Variants in LRRC37A2 observed in about 807,000 individuals in gnomAD.
The protein encoded by LRRC37A2 is leucine rich repeat containing 37 member A2.
In LRRC37A2, 9 loss-of-function variants were observed where a neutral mutation model predicts 68.8. That is an observed-to-expected ratio of 0.13 (90% confidence interval 0.08 to 0.23). LRRC37A2 has a LOEUF of 0.23. LRRC37A2 is among the 10% of genes least tolerant of loss of function. LRRC37A2 has a pLI of 1.00. For missense variants in LRRC37A2, 168 were observed against 950.4 expected (o/e 0.18, Z 10.82); for synonymous variants, 63 against 367.6 (o/e 0.17, Z 9.48).
the LRRC37A2 span, among the ~76,000 whole-genome samples, chr17:46,729,600 A>G: frequency 1.3e-5 from 2 of 152,298 alleles, no homozygotes; most frequent in Non-Finnish European, 2.9e-5. Flanking sequence ...GTCACAAGAC[A>G]TGAGTTCTCT....
the LRRC37A2 span, among the ~76,000 whole-genome samples, chr17:47,038,132 TA>T: frequency 6.6e-6 from 1 of 152,008 alleles, no homozygotes; most frequent in East Asian, 1.9e-4. Context: ...ACTGAGACCT[TA>T]TCTCTACAAA....
At chr17:46,814,297 A>G in the LRRC37A2 span, among the ~76,000 whole-genome samples, 1 of 152,376 alleles carries the variant, frequency 6.6e-6, no homozygotes, top group Admixed American at 6.5e-5. Context: ...TTCTAAGGAC[A>G]TAACTCAGCT....
chr17:46,900,202 T>TACATACATATATATATAAACACACACAC, the LRRC37A2 span, among the ~76,000 whole-genome samples: 1 of 101,172 alleles, frequency 9.9e-6, no homozygotes. Flanking sequence ...TATATATATA[T>TACATACATATATATATAAACACACACAC]ACACACACAC....
chr17:46,688,520 AT>A, the LRRC37A2 span, among the ~76,000 whole-genome samples: 1 of 80,774 alleles, frequency 1.2e-5, no homozygotes, highest in Non-Finnish European at 2.3e-5. Context: ...TCTGTTCTTT[AT>A]TTTTTTATTT....
At chr17:46,799,985 G>A in the LRRC37A2 span, among the ~76,000 whole-genome samples, 4 of 152,130 alleles carry the variant, frequency 2.6e-5, no homozygotes, top group African/African-American at 4.8e-5. Flanking sequence ...GCCCAGAGCC[G>A]GACTTCCTGG....
At chr17:46,889,718 G>T in the LRRC37A2 span, among the ~76,000 whole-genome samples, 1 of 152,082 alleles carries the variant, frequency 6.6e-6, no homozygotes, top group Non-Finnish European at 1.5e-5. Context: ...TGTTTATTCT[G>T]AAAGTGTCAG....
At chr17:46,908,188 C>A in the LRRC37A2 span, among the ~76,000 whole-genome samples, 4 of 151,874 alleles carry the variant, frequency 2.6e-5, no homozygotes, top group Non-Finnish European at 5.9e-5. Context: ...CCTCCTCCCC[C>A]ACCGCCCCCC....
At chr17:47,002,385 T>TAC in the LRRC37A2 span, among the ~76,000 whole-genome samples, 32 of 15,524 alleles carry the variant, frequency 2.1e-3, no homozygotes, top group Admixed American at 0.013. Flanking sequence ...TATTTTTATT[T>TAC]TTATTTTTTT....
chr17:46,858,666 A>C, the LRRC37A2 span, among the ~76,000 whole-genome samples: 2 of 152,112 alleles, frequency 1.3e-5, no homozygotes, highest in Non-Finnish European at 2.9e-5. Flanking sequence ...CCTCAGGGCC[A>C]TTCCTCCAGA....
the LRRC37A2 span, among the ~76,000 whole-genome samples, chr17:47,000,035 A>AAT: frequency 0.076 from 2,148 of 28,130 alleles, 225 homozygotes; most frequent in South Asian, 0.4. Flanking sequence ...AAATAAAATA[A>AAT]AATAAAATAA....
the LRRC37A2 span, among the ~76,000 whole-genome samples, chr17:46,986,819 C>T: frequency 3.4e-3 from 519 of 152,138 alleles, 2 homozygotes; most frequent in African/African-American, 0.012. Context: ...TATGTGTGAC[C>T]TGCTGGGGGG....
At chr17:46,919,775 T>C in the LRRC37A2 span, among the ~76,000 whole-genome samples, 904 of 152,154 alleles carry the variant, frequency 5.9e-3, 9 homozygotes, top group African/African-American at 0.02. Context: ...GGTGAAACCC[T>C]GTCTCTACTA....
At chr17:46,954,601 A>G in the LRRC37A2 span, among the ~76,000 whole-genome samples, 1 of 151,898 alleles carries the variant, frequency 6.6e-6, no homozygotes, top group South Asian at 2.1e-4. Flanking sequence ...CATTGAATCT[A>G]TAAATTACCT....
At chr17:46,854,405 TGAGGCCGATCTTC>T in the LRRC37A2 span, among the ~76,000 whole-genome samples, 1 of 152,010 alleles carries the variant, frequency 6.6e-6, no homozygotes, top group Non-Finnish European at 1.5e-5. Context: ...GGAGGGCAGG[TGAGGCCGATCTTC>T]TTGGGCTCTT....
the LRRC37A2 span, chr17:46,830,801 C>G: frequency 1.3e-5 from 5 of 398,416 alleles, no homozygotes; most frequent in Non-Finnish European, 2.2e-5. Flanking sequence ...GGAGAAAGCT[C>G]ATTTATTCAC....
the LRRC37A2 span, among the ~76,000 whole-genome samples, chr17:46,760,611 GCAA>G: frequency 2.7e-4 from 39 of 146,416 alleles, no homozygotes; most frequent in African/African-American, 8.9e-4. Flanking sequence ...TCCAGCCTGG[GCAA>G]CAGAGGAAGA....
the LRRC37A2 span, among the ~76,000 whole-genome samples, chr17:46,965,455 G>C: frequency 6.6e-6 from 1 of 152,070 alleles, no homozygotes; most frequent in East Asian, 1.9e-4. Flanking sequence ...CCCCAGATTG[G>C]GGCACCCTGG....
the LRRC37A2 span, among the ~76,000 whole-genome samples, chr17:46,456,207 GATA>G: frequency 6.0e-5 from 6 of 100,312 alleles, no homozygotes; most frequent in African/African-American, 2.0e-4. Flanking sequence ...TATTCCATGG[GATA>G]TGTGTGTGTG....
At chr17:46,851,687 C>T in the LRRC37A2 span, 2 of 1,310,756 alleles carry the variant, frequency 1.5e-6, no homozygotes, top group Non-Finnish European at 1.9e-6. This position sits in a 1 kb window ranked among gnomAD's most constrained non-coding sequence, Gnocchi z 4.3. Context: ...CCTGCTGGCG[C>T]TGCCCGCCGC....
Sources: allele counts gnomAD v4.1 joint callset (sites outside exome capture counted in the v4.1 genomes callset), GRCh38; gene constraint gnomAD v4.1.1; non-coding constraint Gnocchi (gnomAD v3.1); transcripts MANE v1.5; gene names NCBI Gene and HGNC (gene_info 2026-07-23, HGNC 2026-07-21).